F3: variants seen among roughly 807,000 people sequenced by gnomAD.
F3 encodes coagulation factor III, tissue factor, also known as tissue factor.
F3 carries 18 observed loss-of-function variants against 33.5 expected under a neutral mutation model. The observed-to-expected ratio is 0.54, with a 90% confidence interval of 0.37 to 0.80. The LOEUF (loss-of-function observed/expected upper bound fraction) is 0.80. Among genes scored for constraint, F3 ranks in the 30% least tolerant of loss-of-function variants. The pLI, the probability that F3 is intolerant of heterozygous loss-of-function variation, is 0.00. For missense variants in F3, 353 were observed against 362.1 expected, an observed-to-expected ratio of 0.97 and a Z score of 0.20; for synonymous variants, 147 against 140.7, an observed-to-expected ratio of 1.05 and a Z score of -0.32.
chr1:94,535,336 G>T (rs1394542218), intron 3 of F3, among the ~76,000 whole-genome samples: 3 of 152,094 alleles, frequency 2.0e-5, no homozygotes, highest in Admixed American at 6.5e-5. Flanking sequence ...TCTTTTACTG[G>T]CTCCTAGGGC....
In F3 at chr1:94,532,498, T is replaced by C. The variant is rs764478545; in HGVS notation, c.592-18A>G. On this transcript the variant is annotated intron_variant, in intron 4 of 5. Transcript: ENST00000334047. ...GCTGTTTTCTGTAAAAAGATAGAGT[T>C]CTTAATTCATCTGGGCTCTGAGTCA... The C allele has an allele frequency of 6.2e-7, 1 of 1,612,568 alleles. No individual in the cohort carries two copies. Among genetic ancestry groups the C allele is most frequent in the Admixed American group, 1.7e-5 (1 of 59,916 alleles).
At chr1:94,537,523 A>T (rs1016036642) in intron 2 of F3, among the ~76,000 whole-genome samples, 2 of 152,178 alleles carry the variant, frequency 1.3e-5, no homozygotes, top group African/African-American at 4.8e-5. Context: ...GTGTGCCCCC[A>T]TTAAGCAGCA....
chr1:94,536,851 A>G (rs1364612345), intron 2 of F3, among the ~76,000 whole-genome samples: 1 of 152,162 alleles, frequency 6.6e-6, no homozygotes, highest in Non-Finnish European at 1.5e-5. Context: ...TAATAATATT[A>G]TTAATCATTC....
chr1:94,531,640 G>C (rs1651429405), intron 5 of F3, among the ~76,000 whole-genome samples: 1 of 152,104 alleles, frequency 6.6e-6, no homozygotes, highest in African/African-American at 2.4e-5. Context: ...TTTCTTCACT[G>C]GAAGTACTCA....
intron 2 of F3, among the ~76,000 whole-genome samples, chr1:94,538,794 C>T (rs1021576730): frequency 2.6e-5 from 4 of 152,102 alleles, no homozygotes; most frequent in Admixed American, 2.0e-4. Context: ...CACCTCAGGC[C>T]GAGGCTGATG....
At position 94,533,114 on chromosome 1, in the gene F3, A is replaced by G. The variant is rs1279841002; in HGVS notation, c.567T>C (p.Tyr189=). ...FGKDLIYTLY[Y]WKSSSSGKKT... ...CCTTTCCTGAACTTGAAGATTTCCA[A>G]TAATAAAGTGTATAAATTAAGTCCT... Residue 189 remains tyrosine, a synonymous_variant, in exon 4 of 6, where the codon TAT becomes TAC. Transcript: ENST00000334047. The G allele has an allele frequency of 2.5e-6, 4 of 1,613,400 alleles. No individual in the cohort carries two copies. The highest frequency in any genetic ancestry group is 2.7e-5 in the African/African-American group (2 of 74,876).
At chr1:94,530,667 C>T (rs1260135832) in intron 5 of F3, 71 bp from the exon 6 acceptor site, 1 of 1,579,892 alleles carries the variant, frequency 6.3e-7, no homozygotes, top group African/African-American at 1.4e-5. Context: ...AAATTGACGG[C>T]ATAACCCCAA....
At position 94,533,634 on chromosome 1, in the gene F3, T is replaced by A. The variant is rs551380045; in HGVS notation, c.413-366A>T. On this transcript the variant is annotated intron_variant, in intron 3 of 5. Transcript: ENST00000334047. ...GGATCCACTTGTATGCAAATTTTTT[T>A]AAATAAAAGTTACACCAAGTGTGCC... Among the ~76,000 whole-genome samples the A allele has an allele frequency of 4.1e-4, 63 of 152,280 alleles. No individual in the cohort carries two copies. In the South Asian group the frequency reaches 7.1e-3, roughly 17 times the overall value.
chr1:94,534,901 G>T (rs1427634508), intron 3 of F3, among the ~76,000 whole-genome samples: 1 of 152,130 alleles, frequency 6.6e-6, no homozygotes, highest in Non-Finnish European at 1.5e-5. Flanking sequence ...GGGGGGAAAT[G>T]AATGTCAACC....
rs536749803 is a variant in F3 at position 94,532,288 on chromosome 1, A to AC, written c.751+32dup. On this transcript the variant is annotated intron_variant, in intron 5 of 5. Coordinates refer to ENST00000334047, the MANE Select transcript of F3 (RefSeq NM_001993.5). ...TCCAGAAGTCACCCACAGCACCCAT[A>AC]CCCCCAGGCAAATGGCTGGCAGAGC... 11,855 of 1,608,502 alleles carry AC rather than the reference A, an allele frequency of 7.4e-3. 49 individuals carry two copies. Among genetic ancestry groups the AC allele is most frequent in the Non-Finnish European group, 9.2e-3 (10,833 of 1,177,174 alleles).
intron 5 of F3, among the ~76,000 whole-genome samples, chr1:94,531,157 C>G (rs1353163463): frequency 1.3e-5 from 2 of 152,112 alleles, no homozygotes; most frequent in Non-Finnish European, 2.9e-5. Flanking sequence ...GGTAGGATGG[C>G]TCAGAGGGGT....
chr1:94,531,437 G>A (rs1304578360), intron 5 of F3, among the ~76,000 whole-genome samples: 3 of 151,868 alleles, frequency 2.0e-5, no homozygotes, highest in Non-Finnish European at 4.4e-5. Flanking sequence ...GAGTAGCTGG[G>A]ACTACAGACA....
At chr1:94,541,207 ACTCACTGGGAAGCCCTTTC>A in intron 1 of F3, 5 of 296,400 alleles carry the variant, frequency 1.7e-5, no homozygotes, top group Non-Finnish European at 3.1e-5. Context: ...GAAGGTCGCA[ACTCACTGGGAAGCCCTTTC>A]CCCAGAGTTA....
In F3 at chr1:94,540,446, C is replaced by T. The variant is rs189216072; in HGVS notation, c.101-78G>A. 3.0e-4 allele frequency: 246 copies of T among 807,484 alleles called. No individual in the cohort carries two copies. The African/African-American group carries it at 3.9e-3, about 13-fold the overall frequency. The allele number at this position is 807,484 out of a possible 1,614,324, so 50.0% of individuals were successfully genotyped here. On this transcript the variant is annotated intron_variant, in intron 1 of 5. Transcript: ENST00000334047. The stretch of plus-strand genomic sequence containing the variant: ...TGTATTGATGTATAAAACACCTTCC[C>T]ACCTGACATCACCATAAACCTCACT...
At position 94,532,306 on chromosome 1, in the gene F3, G is replaced by C. The variant is rs372927870; in HGVS notation, c.751+15C>G. 4 of 1,612,574 alleles carry C rather than the reference G, an allele frequency of 2.5e-6. No individual in the cohort carries two copies. Among genetic ancestry groups the C allele is most frequent in the Non-Finnish European group, 2.5e-6 (3 of 1,179,244 alleles). ...CACCCATACCCCCAGGCAAATGGCTGGCAGAGCCACTCACCTCTGAATTCC... is the reference window on the plus strand; with the variant it reads ...CACCCATACCCCCAGGCAAATGGCTCGCAGAGCCACTCACCTCTGAATTCC... On this transcript the variant is annotated intron_variant, in intron 5 of 5. Coordinates refer to ENST00000334047, the MANE Select transcript of F3 (RefSeq NM_001993.5).
intron 3 of F3, among the ~76,000 whole-genome samples, chr1:94,535,373 G>A (rs1248032201): frequency 6.6e-6 from 1 of 152,116 alleles, no homozygotes; most frequent in Admixed American, 6.5e-5. Context: ...AGGCTGAGGA[G>A]GAAAGTATTC....
At chr1:94,540,442 TTC>T in intron 1 of F3, 74 bp from the exon 2 acceptor site, 1 of 904,868 alleles carries the variant, frequency 1.1e-6, no homozygotes, top group Non-Finnish European at 1.8e-6. Flanking sequence ...ATAAAACACC[TTC>T]CCACCTGACA....
intron 2 of F3, among the ~76,000 whole-genome samples, chr1:94,537,930 C>T (rs78698867): frequency 0.044 from 6,694 of 152,258 alleles, 522 homozygotes; most frequent in African/African-American, 0.15. Context: ...AGGAGAAAGT[C>T]TCCTAGGGCT....
At chr1:94,540,422 G>A in intron 1 of F3, 54 bp from the exon 2 acceptor site, 2 of 1,191,610 alleles carry the variant, frequency 1.7e-6, no homozygotes, top group Middle Eastern at 2.0e-4. Context: ...GCACTCGAAT[G>A]TATTGATGTA....
Sources: allele counts gnomAD v4.1 joint callset (sites outside exome capture counted in the v4.1 genomes callset), GRCh38; gene constraint gnomAD v4.1.1; transcripts MANE v1.5; gene names NCBI Gene and HGNC (gene_info 2026-07-23, HGNC 2026-07-21).